PRSS23: variants seen among roughly 807,000 people sequenced by gnomAD.
PRSS23 encodes protease, serine 23.
In PRSS23, 25 loss-of-function variants were observed where a neutral mutation model predicts 34.7. That is an observed-to-expected ratio of 0.72 (90% CI 0.53 to 1.01). PRSS23 has a LOEUF of 1.01. Among genes scored for constraint, PRSS23 ranks in the 50% least tolerant of loss-of-function variants. PRSS23 has a pLI of 0.00. For synonymous variants in PRSS23, 176 were observed against 186.6 expected (o/e 0.94, Z 0.46); for missense variants, 445 against 475.6 (o/e 0.94, Z 0.60).
chr11:86,908,995 A>C (rs1024700818), intron 2 of PRSS23: 1 of 140,176 alleles, frequency 7.1e-6, no homozygotes, highest in Non-Finnish European at 1.5e-5. Flanking sequence ...TTTTTAATGT[A>C]TTTGTTGAAG....
chr11:86,930,531 T>C lies in PRSS23; in HGVS notation c.207-20685T>C, dbSNP rs975416483. Among the ~76,000 whole-genome samples, 7 of 151,794 alleles carry C rather than the reference T, an allele frequency of 4.6e-5. No homozygotes were observed. The East Asian group carries it at 7.8e-4, about 17-fold the overall frequency. On this transcript the variant is annotated intron_variant, in intron 2 of 2. Transcript: ENST00000533902. ...CCAGGGCCGGGCGCGGCGGCTCACG[T>C]CTGTAATCCCAGCACTTTGGGAGGC... is the stretch of plus-strand genomic sequence containing the variant.
intron 2 of PRSS23, among the ~76,000 whole-genome samples, chr11:86,828,567 T>C (rs1181722281): frequency 6.6e-6 from 1 of 152,228 alleles, no homozygotes; most frequent in East Asian, 1.9e-4. Flanking sequence ...TGCTTGTTAG[T>C]TGATGCAGTT....
chr11:86,860,872 C>T (rs144950524), intron 2 of PRSS23, among the ~76,000 whole-genome samples: 4 of 151,878 alleles, frequency 2.6e-5, no homozygotes, highest in African/African-American at 9.7e-5. Context: ...TGATATTACT[C>T]CCAATATCGT....
chr11:86,876,749 C>T lies in PRSS23; in HGVS notation c.206+53156C>T, dbSNP rs114363515. Among the ~76,000 whole-genome samples, 354 of 151,814 alleles carry T rather than the reference C, an allele frequency of 2.3e-3. 2 individuals are homozygous for T. Among genetic ancestry groups the T allele is most frequent in the African/African-American group, 8.1e-3 (336 of 41,404 alleles). On this transcript the variant is annotated intron_variant, in intron 2 of 2. Coordinates refer to the PRSS23 transcript ENST00000533902. The stretch of plus-strand genomic sequence containing the variant: ...CATTGCAATAAAAAAAAAAACGAAG[C>T]AATTTGATTCATTTCAAAGCAACCT...
intron 2 of PRSS23, among the ~76,000 whole-genome samples, chr11:86,878,796 A>G (rs374035151): frequency 3.6e-5 from 5 of 138,312 alleles, no homozygotes; most frequent in African/African-American, 8.0e-5. Flanking sequence ...CTGCCCGGCC[A>G]CCATCCCATC....
rs763097227 is a variant in PRSS23 at position 86,808,696 on chromosome 11, C to T, written c.1053C>T (p.Ser351=). The part of the protein sequence containing the change: ...SGHQWVDMNG[S]PQDFNVAVRI... ...ACCAGTGGGTGGACATGAATGGTTC[C>T]CCACAGGATTTCAACGTGGCTGTCA... The change falls in exon 2 of 2, where the codon TCC becomes TCT. Residue 351 remains serine, a synonymous_variant. Transcript: ENST00000280258. 1.9e-6 allele frequency: 3 copies of T among 1,614,074 alleles called. No individual in the cohort carries two copies. Among genetic ancestry groups the T allele is most frequent in the Non-Finnish European group, 2.5e-6 (3 of 1,180,008 alleles).
At chr11:86,834,453 G>A (rs948746004) in intron 2 of PRSS23, among the ~76,000 whole-genome samples, 10 of 152,056 alleles carry the variant, frequency 6.6e-5, no homozygotes, top group South Asian at 6.2e-4. Context: ...CTAATGAAGC[G>A]TCCTGCCTTG....
chr11:86,824,447 A>G (rs1948282630), intron 2 of PRSS23, among the ~76,000 whole-genome samples: 1 of 150,610 alleles, frequency 6.6e-6, no homozygotes, highest in Admixed American at 6.6e-5. Flanking sequence ...TTATGATGGA[A>G]CCCAGTCTTT....
At chr11:86,892,229 T>C (rs1948846644) in intron 2 of PRSS23, 1 of 152,240 alleles carries the variant, frequency 6.6e-6, no homozygotes, top group Non-Finnish European at 1.5e-5. Flanking sequence ...GAGGTGTCTA[T>C]CTCTTTCCGA....
At chr11:86,939,109 G>A (rs751127809) in intron 2 of PRSS23, 3 of 405,182 alleles carry the variant, frequency 7.4e-6, no homozygotes, top group South Asian at 5.4e-5. Context: ...CAAGAGAAGA[G>A]AACATCGCCA....
intron 2 of PRSS23, among the ~76,000 whole-genome samples, chr11:86,923,068 A>G (rs1240464948): frequency 6.6e-6 from 1 of 151,852 alleles, no homozygotes; most frequent in African/African-American, 2.4e-5. Flanking sequence ...TTAAAATGAT[A>G]TATCACATAC....
chr11:86,879,658 C>A (rs1251214329), intron 2 of PRSS23, among the ~76,000 whole-genome samples: 1 of 129,582 alleles, frequency 7.7e-6, no homozygotes, highest in Non-Finnish European at 1.7e-5. Context: ...CCAGCCGCCC[C>A]GTCCGGGAAG....
intron 1 of PRSS23, among the ~76,000 whole-genome samples, chr11:86,817,857 G>A (rs1948224971): frequency 6.6e-6 from 1 of 152,210 alleles, no homozygotes; most frequent in East Asian, 1.9e-4. Flanking sequence ...CCATGTCAGA[G>A]AGGGGCTAAT....
intron 2 of PRSS23, chr11:86,909,208 T>A (rs1438914577): frequency 6.6e-6 from 1 of 152,054 alleles, no homozygotes; most frequent in Non-Finnish European, 1.5e-5. Flanking sequence ...TGGCCTGAGG[T>A]GGCCCACCCA....
chr11:86,897,633 GT>G (rs1024009881), intron 2 of PRSS23, among the ~76,000 whole-genome samples: 2 of 149,466 alleles, frequency 1.3e-5, no homozygotes, highest in East Asian at 2.0e-4. Flanking sequence ...CCCCTGGCTA[GT>G]TTTTTTTTGT....
chr11:86,816,722 C>A (rs1273640155), intron 1 of PRSS23, among the ~76,000 whole-genome samples: 1 of 152,184 alleles, frequency 6.6e-6, no homozygotes, highest in Admixed American at 6.5e-5. Context: ...CAGCTGAACA[C>A]AGCGTTGGAA....
chr11:86,808,337 G>T lies in PRSS23; in HGVS notation c.694G>T (p.Gly232Cys). The T allele has an allele frequency of 6.2e-7, 1 of 1,614,184 alleles. No individual in the cohort carries two copies. The highest frequency in any genetic ancestry group is 1.1e-5 in the South Asian group (1 of 91,090). Reference sequence around the variant, plus strand: ...GGTGAAACGCACCCATGTGCCCAAGGGTTGGATCAAGGGCAATGCCAATGA... The same window carrying T: ...GGTGAAACGCACCCATGTGCCCAAGTGTTGGATCAAGGGCAATGCCAATGA... ...IRVKRTHVPK[G>C]WIKGNANDIG... is the part of the protein sequence containing the mutation. The change falls in exon 2 of 2, where the codon GGT (glycine) becomes TGT (cysteine). Residue 232 changes from glycine (G) to cysteine (C), a missense_variant. By Grantham distance (159) the Gly-to-Cys change is radical. Transcript: ENST00000280258.
At chr11:86,938,655 G>A (rs185512653) in intron 2 of PRSS23, among the ~76,000 whole-genome samples, 28 of 146,612 alleles carry the variant, frequency 1.9e-4, no homozygotes, top group African/African-American at 6.9e-4. Flanking sequence ...CAGCCGATGT[G>A]ATGGATTAAG....
chr11:86,912,637 T>A (rs1309101320), intron 2 of PRSS23, among the ~76,000 whole-genome samples: 6 of 152,232 alleles, frequency 3.9e-5, no homozygotes, highest in African/African-American at 7.2e-5. Flanking sequence ...GTTCTTTTTT[T>A]AATTTCTATT....
Sources: allele counts gnomAD v4.1 joint callset (sites outside exome capture counted in the v4.1 genomes callset), GRCh38; gene constraint gnomAD v4.1.1; transcripts MANE v1.5; gene names NCBI Gene and HGNC (gene_info 2026-07-23, HGNC 2026-07-21).